COL18A1: variants seen among roughly 807,000 people sequenced by gnomAD.
COL18A1 encodes collagen alpha-1(XVIII) chain.
Under a neutral mutation model 168.0 loss-of-function variants are expected in COL18A1, and 133 were observed. The observed-to-expected ratio is 0.79, with a 90% CI of 0.69 to 0.91. The LOEUF (loss-of-function observed/expected upper bound fraction) is 0.91. Among genes scored for constraint, COL18A1 ranks in the 40% least tolerant of loss-of-function variants. The pLI is 0.00. For missense variants in COL18A1, 2,126 were observed against 1,925.4 expected, an observed-to-expected ratio of 1.10 and a Z score of -1.95; for synonymous variants, 949 against 809.0, an observed-to-expected ratio of 1.17 and a Z score of -2.94.
chr21:45,444,628 C>T (rs928076586), intron 2 of COL18A1, among the ~76,000 whole-genome samples: 7 of 152,000 alleles, frequency 4.6e-5, no homozygotes, highest in Non-Finnish European at 1.0e-4. Context: ...GAGCCTGGGT[C>T]GTGCAGGGCG....
intron 14 of COL18A1, chr21:45,482,325 CCT>C (rs2035928910): frequency 4.4e-6 from 3 of 684,812 alleles, no homozygotes; most frequent in South Asian, 4.3e-5. Flanking sequence ...TGGCCATGAG[CCT>C]CTGTCGGACT....
intron 2 of COL18A1, among the ~76,000 whole-genome samples, chr21:45,462,621 A>C (rs1399008781): frequency 6.6e-6 from 1 of 152,062 alleles, no homozygotes; most frequent in African/African-American, 2.4e-5. Flanking sequence ...TTTTATATTG[A>C]TATTTCCATG....
chr21:45,473,688 A>G lies in COL18A1; in HGVS notation c.652-207A>G, dbSNP rs2035529075. Among the ~76,000 whole-genome samples the G allele has an allele frequency of 6.6e-6, 1 of 152,120 alleles. No homozygotes were observed. On this transcript the variant is annotated intron_variant, in intron 3 of 41. Coordinates refer to ENST00000651438, the MANE Select transcript of COL18A1 (RefSeq NM_001379500.1). This position sits in a 1 kb window ranked among gnomAD's most constrained non-coding sequence, Gnocchi z 4.0. ...CTCCGCCCAGCCGGGTGCTTTCCAC[A>G]TGAAAGCGCCCAGGACGCCCCTGGG...
intron 9 of COL18A1, 72 bp from the exon 10 acceptor site, chr21:45,479,830 G>A: frequency 4.4e-6 from 7 of 1,593,664 alleles, no homozygotes; most frequent in East Asian, 2.3e-5. Context: ...CTTGGGGGAG[G>A]AGCACTGAGA....
intron 2 of COL18A1, among the ~76,000 whole-genome samples, chr21:45,444,455 C>G (rs930178971): frequency 6.6e-6 from 1 of 152,004 alleles, no homozygotes; most frequent in South Asian, 2.1e-4. Context: ...GTCAGCTGGT[C>G]GTCCGGACTT....
rs1555966562 is a variant in COL18A1 at position 45,405,336 on chromosome 21, C to CGCGGGGGTCCT, written c.12-36_12-26dup. The CGCGGGGGTCCT allele has an allele frequency of 5.7e-5, 58 of 1,025,954 alleles. No individual in the cohort carries two copies. The African/African-American group carries it at 2.4e-3, about 42-fold the overall frequency. The allele number at this position is 1,025,954 out of a possible 1,614,324, so 63.6% of individuals were successfully genotyped here. A position where few individuals can be genotyped will look rare whatever the true frequency, so the allele number is the denominator to read the frequency against. Reference sequence around the variant, plus strand: ...GGGCTCGGCCGGGTCCTGCGGGGGTCGCGGGGGTCCTGCGGGGTCTGACCC... The same window carrying CGCGGGGGTCCT: ...GGGCTCGGCCGGGTCCTGCGGGGGTCGCGGGGGTCCTGCGGGGGTCCTGCGGGGTCTGACCC... On this transcript the variant is annotated intron_variant, in intron 1 of 41. Coordinates refer to ENST00000651438, the MANE Select transcript of COL18A1 (RefSeq NM_001379500.1).
intron 2 of COL18A1, among the ~76,000 whole-genome samples, chr21:45,433,935 G>C (rs2034030119): frequency 6.6e-6 from 1 of 152,130 alleles, no homozygotes; most frequent in Non-Finnish European, 1.5e-5. Flanking sequence ...CCCAGTTTTT[G>C]TGCACGGTGG....
intron 32 of COL18A1, 77 bp from the exon 33 acceptor site, chr21:45,503,934 A>G: frequency 1.3e-6 from 2 of 1,538,890 alleles, no homozygotes; most frequent in Non-Finnish European, 1.8e-6. Flanking sequence ...CAAACCCACC[A>G]GTGCTGGGGG....
chr21:45,499,966 G>A (rs1259040154), intron 32 of COL18A1, among the ~76,000 whole-genome samples: 1 of 152,192 alleles, frequency 6.6e-6, no homozygotes, highest in African/African-American at 2.4e-5. Flanking sequence ...TCCATTGAAG[G>A]ACAGACATTG....
At chr21:45,455,034 G>T (rs2034747094) in intron 2 of COL18A1, among the ~76,000 whole-genome samples, 1 of 152,250 alleles carries the variant, frequency 6.6e-6, no homozygotes, top group Admixed American at 6.5e-5. Flanking sequence ...AGTGGAATTG[G>T]CACTGCAGCA....
At chr21:45,467,325 T>A (rs2035247675) in intron 2 of COL18A1, 10 of 985,266 alleles carry the variant, frequency 1.0e-5, no homozygotes, top group Non-Finnish European at 1.1e-5. Context: ...GAAGTCAAGC[T>A]CCGCCTGGGC....
chr21:45,491,259 G>GCCTCCCTGGC lies in COL18A1; in HGVS notation c.2105_2114dup (p.Gly707TrpfsTer26). The GCCTCCCTGGC allele has an allele frequency of 6.2e-7, 1 of 1,612,486 alleles. No homozygotes were observed. Among genetic ancestry groups the GCCTCCCTGGC allele is most frequent in the Non-Finnish European group, 8.5e-7 (1 of 1,179,776 alleles). On this transcript the variant is annotated frameshift_variant, in exon 22 of 42. Coordinates refer to ENST00000651438, the MANE Select transcript of COL18A1 (RefSeq NM_001379500.1). LOFTEE classifies it high-confidence loss of function. Reference sequence around the variant, plus strand: ...GGGAAGGACGGAGTCGGGCAGCCGGGCCTCCCTGGCCCCCCCGGACCCCCG... The same window carrying GCCTCCCTGGC: ...GGGAAGGACGGAGTCGGGCAGCCGGGCCTCCCTGGCCCTCCCTGGCCCCCCCGGACCCCCG...
Position 45,480,680 on chromosome 21 carries a change from C to T in COL18A1, c.1453-20C>T. 2 of 1,610,914 alleles carry T rather than the reference C, an allele frequency of 1.2e-6. No individual in the cohort carries two copies. Among genetic ancestry groups the T allele is most frequent in the South Asian group, 2.2e-5 (2 of 91,086 alleles). ...TGGGTGCCACATGGGCTGTGACTAT[C>T]TGTGTTCGCCCACGTCCAGGGTCCT... On this transcript the variant is annotated intron_variant, in intron 12 of 41. Transcript: ENST00000651438.
chr21:45,494,330 C>A, intron 26 of COL18A1: 1 of 619,346 alleles, frequency 1.6e-6, no homozygotes, highest in African/African-American at 1.9e-5. Flanking sequence ...CCAAACCCGA[C>A]CCTCCCCTCA....
At chr21:45,416,888 G>A (rs113149091) in intron 2 of COL18A1, among the ~76,000 whole-genome samples, 5 of 152,158 alleles carry the variant, frequency 3.3e-5, no homozygotes, top group East Asian at 3.9e-4. Context: ...GCATTTCCTC[G>A]TCTGAATTGC....
rs1350391337 is a variant in COL18A1 at position 45,505,522 on chromosome 21, C to T, written c.3087+91C>T. 6 of 759,986 alleles carry T rather than the reference C, an allele frequency of 7.9e-6. No homozygotes were observed. The East Asian group carries it at 8.0e-5, about 10-fold the overall frequency. 47.1% of individuals were successfully genotyped at this position (759,986 alleles called of 1,614,324 possible). ...CCCTCAGAGACACTCTCCCACGGACCCCACAGGGAGATATACAGGAGGCCA... is the reference window on the plus strand; with the variant it reads ...CCCTCAGAGACACTCTCCCACGGACTCCACAGGGAGATATACAGGAGGCCA... On this transcript the variant is annotated intron_variant, in intron 36 of 41. Transcript: ENST00000651438.
rs149735316 is a variant in COL18A1, at chr21:45,437,765, CCTG to C, written c.107-30475_107-30473del. ...TCACACACTCAGACACAGGCACTCT[CCTG>C]CACACACACACACTCACTCACACAC... On this transcript the variant is annotated intron_variant, in intron 2 of 41. Transcript: ENST00000651438. 9.8e-4 allele frequency among the ~76,000 whole-genome samples: 76 copies of C among 77,398 alleles called. 9 individuals carry two copies. Among genetic ancestry groups the C allele is most frequent in the African/African-American group, 8.3e-3 (71 of 8,520 alleles). 50.8% of individuals were successfully genotyped at this position (77,398 alleles called of 152,430 possible).
At chr21:45,434,789 CA>C (rs67004882) in intron 2 of COL18A1, among the ~76,000 whole-genome samples, 18,661 of 152,206 alleles carry the variant, frequency 0.12, 1,279 homozygotes, top group East Asian at 0.22. Flanking sequence ...CGGTGGGTTG[CA>C]GCCCCCAGAG....
chr21:45,505,564 G>A (rs2079487872), intron 36 of COL18A1, 133 bp downstream of exon 36: 7 of 692,944 alleles, frequency 1.0e-5, no homozygotes, highest in Non-Finnish European at 1.8e-5. Context: ...GGTTTCCAGG[G>A]TGGAAGCGGG....
Sources: allele counts gnomAD v4.1 joint callset (sites outside exome capture counted in the v4.1 genomes callset), GRCh38; gene constraint gnomAD v4.1.1; non-coding constraint Gnocchi (gnomAD v3.1); transcripts MANE v1.5; gene names NCBI Gene and HGNC (gene_info 2026-07-23, HGNC 2026-07-21).